ZNF98: variants seen among roughly 807,000 people sequenced by gnomAD.
The protein encoded by ZNF98 is zinc finger protein 98.
In ZNF98, 8 loss-of-function variants were observed where a neutral mutation model predicts 12.8. The observed-to-expected ratio is 0.63, with a 90% CI of 0.37 to 1.13. The LOEUF (loss-of-function observed/expected upper bound fraction) is 1.13, where lower values mean the gene tolerates loss of function less well. Ranked by LOEUF, ZNF98 falls within the 50% of genes most tolerant of loss-of-function variation. ZNF98 has a pLI of 0.01. For missense variants in ZNF98, 379 were observed against 666.1 expected, an observed-to-expected ratio of 0.57 and a Z score of 4.74; for synonymous variants, 112 against 223.5, an observed-to-expected ratio of 0.50 and a Z score of 4.45.
intron 1 of ZNF98, among the ~76,000 whole-genome samples, chr19:22,408,467 T>C (rs190381595): frequency 8.3e-4 from 127 of 152,116 alleles, no homozygotes; most frequent in Middle Eastern, 3.4e-3. Flanking sequence ...GGAAAGAAAT[T>C]AAGAGTATTC....
At position 22,422,305 on chromosome 19, in the gene ZNF98, A is replaced by C; in HGVS notation, c.-81T>G. 6.4e-7 allele frequency: 1 copy of C among 1,556,276 alleles called. No homozygotes were observed. Among genetic ancestry groups the C allele is most frequent in the South Asian group, 1.1e-5 (1 of 90,028 alleles). The stretch of plus-strand genomic sequence containing the variant: ...TACGAGCAGAGGACACAGAAGGGCG[A>C]AGACGAGACCAGGAACTCCGGCTGC... On this transcript the variant is annotated 5_prime_UTR_variant, in exon 1 of 4. Transcript: ENST00000357774.
chr19:22,413,214 C>T (rs1969600670), intron 1 of ZNF98, among the ~76,000 whole-genome samples: 2 of 151,888 alleles, frequency 1.3e-5, no homozygotes, highest in African/African-American at 2.4e-5. Context: ...TCCTATTCAA[C>T]ATAAAACTGG....
At chr19:22,394,316 G>A (rs1339959609) in intron 3 of ZNF98, among the ~76,000 whole-genome samples, 3 of 150,144 alleles carry the variant, frequency 2.0e-5, no homozygotes, top group Non-Finnish European at 4.4e-5. Context: ...TACCATTTGA[G>A]CCAGCCATCC....
At chr19:22,394,898 T>C (rs576712523) in intron 3 of ZNF98, among the ~76,000 whole-genome samples, 101 of 152,092 alleles carry the variant, frequency 6.6e-4, no homozygotes, top group African/African-American at 2.4e-3. Context: ...ATTAAGGAGT[T>C]TGGTGGCTCA....
At chr19:22,416,249 T>C (rs908502571) in intron 1 of ZNF98, among the ~76,000 whole-genome samples, 14 of 151,454 alleles carry the variant, frequency 9.2e-5, no homozygotes, top group Non-Finnish European at 1.6e-4. Flanking sequence ...GGCGGACAGA[T>C]CATGAGGTCA....
intron 1 of ZNF98, among the ~76,000 whole-genome samples, chr19:22,420,055 C>T (rs560738015): frequency 1.3e-5 from 2 of 152,118 alleles, no homozygotes; most frequent in Admixed American, 1.3e-4. Context: ...CCCAGCTACT[C>T]GGGAGGCTGA....
intron 3 of ZNF98, among the ~76,000 whole-genome samples, chr19:22,397,212 T>TTTGTG (rs368992859): frequency 0.3 from 43,953 of 145,024 alleles, 7,556 homozygotes; most frequent in Non-Finnish European, 0.4. Flanking sequence ...GTGTGTGTTT[T>TTTGTG]TGTGTGTGTG....
chr19:22,396,957 A>G (rs1054556458), intron 3 of ZNF98, among the ~76,000 whole-genome samples: 1 of 152,050 alleles, frequency 6.6e-6, no homozygotes, highest in Non-Finnish European at 1.5e-5. Context: ...CGACTCTACT[A>G]AAAATACAAA....
chr19:22,422,333 C>G lies in ZNF98; in HGVS notation c.-109G>C. 2 of 1,381,804 alleles carry G rather than the reference C, an allele frequency of 1.4e-6. No homozygotes were observed. Among genetic ancestry groups the G allele is most frequent in the Non-Finnish European group, 2.0e-6 (2 of 981,128 alleles). The allele number at this position is 1,381,804 out of a possible 1,614,324, so 85.6% of individuals were successfully genotyped here. A position where few individuals can be genotyped will look rare whatever the true frequency, so the allele number is the denominator to read the frequency against. On this transcript the variant is annotated 5_prime_UTR_variant, in exon 1 of 4. Transcript: ENST00000357774. Reference sequence around the variant, plus strand: ...ACGAGACCAGGAACTCCGGCTGCAGCGAGAGACAAAGACCCCGCCACATCC... The same window carrying G: ...ACGAGACCAGGAACTCCGGCTGCAGGGAGAGACAAAGACCCCGCCACATCC...
intron 3 of ZNF98, among the ~76,000 whole-genome samples, chr19:22,394,138 A>G (rs1330077885): frequency 1.4e-5 from 2 of 146,444 alleles, no homozygotes; most frequent in South Asian, 2.3e-4. Context: ...ACAATGAGAT[A>G]CCATCTCATG....
intron 1 of ZNF98, among the ~76,000 whole-genome samples, chr19:22,412,356 A>C (rs986298893): frequency 1.3e-5 from 2 of 152,240 alleles, no homozygotes; most frequent in Non-Finnish European, 2.9e-5. Context: ...GCAAGAACCA[A>C]GAAGTTCTTT....
At chr19:22,413,830 T>C (rs539973693) in intron 1 of ZNF98, among the ~76,000 whole-genome samples, 13 of 139,444 alleles carry the variant, frequency 9.3e-5, no homozygotes, top group Admixed American at 6.9e-4. Context: ...GATGGTGCCA[T>C]TGCACTCCAA....
chr19:22,402,175 C>CAA (rs869111485), intron 3 of ZNF98, among the ~76,000 whole-genome samples: 28 of 60,492 alleles, frequency 4.6e-4, no homozygotes, highest in East Asian at 1.0e-3. Context: ...GACTCCATCT[C>CAA]AAAAAAAAAA....
intron 3 of ZNF98, among the ~76,000 whole-genome samples, chr19:22,400,824 G>A (rs1599385422): frequency 1.3e-5 from 2 of 148,902 alleles, no homozygotes; most frequent in East Asian, 2.0e-4. Context: ...ATGGTGGCAC[G>A]CACCTGTAGT....
rs1969318584 is a variant in ZNF98 at position 22,391,289 on chromosome 19, T to C, written c.*227A>G. 2.2e-6 allele frequency: 2 copies of C among 889,452 alleles called. No homozygotes were observed. The highest frequency in any genetic ancestry group is 3.4e-5 in the African/African-American group (2 of 58,866). 55.1% of individuals were successfully genotyped at this position (889,452 alleles called of 1,614,324 possible). A position where few individuals can be genotyped will look rare whatever the true frequency, so the allele number is the denominator to read the frequency against. On this transcript the variant is annotated 3_prime_UTR_variant, in exon 4 of 4. Transcript: ENST00000357774. ...CTTTAATGCTATTAAGTATAAATTC[T>C]CTGATGCTGAATAAGATGTGTGCAG...
At chr19:22,419,107 G>A (rs535468006) in intron 1 of ZNF98, among the ~76,000 whole-genome samples, 189 of 151,984 alleles carry the variant, frequency 1.2e-3, no homozygotes, top group Non-Finnish European at 2.1e-3. Flanking sequence ...TCCCACTTTC[G>A]TTCTAATCTT....
In ZNF98 at chr19:22,417,010, A is replaced by T. The variant is rs543966550; in HGVS notation, c.30+5185T>A. 8.6e-4 allele frequency among the ~76,000 whole-genome samples: 131 copies of T among 152,286 alleles called. 1 individual carries two copies. Among genetic ancestry groups the T allele is most frequent in the Non-Finnish European group, 1.5e-3 (101 of 68,016 alleles). ...TTTGGGAAGCCAAGGCAGGCAGATC[A>T]CCTGAGGTCAGGAGTTCCAGACCAG... On this transcript the variant is annotated intron_variant, in intron 1 of 3. Coordinates refer to ENST00000357774, the MANE Select transcript of ZNF98 (RefSeq NM_001098626.2).
At chr19:22,402,140 C>T (rs1366314283) in intron 3 of ZNF98, among the ~76,000 whole-genome samples, 1 of 141,658 alleles carries the variant, frequency 7.1e-6, no homozygotes, top group African/African-American at 2.7e-5. Context: ...GATGACACTC[C>T]ACTCCAGCCT....
At chr19:22,404,636 T>C (rs1969499611) in intron 1 of ZNF98, among the ~76,000 whole-genome samples, 1 of 152,264 alleles carries the variant, frequency 6.6e-6, no homozygotes, top group South Asian at 2.1e-4. Flanking sequence ...GCATCACTGC[T>C]ATGGTATCTC....
Sources: gnomAD v4.1 joint callset for allele counts (sites outside exome capture counted in the v4.1 genomes callset) on GRCh38, gnomAD v4.1.1 for gene constraint, MANE v1.5 for transcripts, NCBI Gene and HGNC (gene_info 2026-07-23, HGNC 2026-07-21) for gene names.